The following MVP variants were observed in gnomAD, a reference collection of about 807,000 sequenced individuals.
MVP encodes lung resistance-related protein.
In MVP, 62 loss-of-function variants were observed where a neutral mutation model predicts 83.5. The ratio of observed to expected loss-of-function variants is 0.74; its 90% confidence interval spans 0.61 to 0.92. The LOEUF (loss-of-function observed/expected upper bound fraction) is 0.92, where lower values mean the gene tolerates loss of function less well. Among genes scored for constraint, MVP ranks in the 40% least tolerant of loss-of-function variants. MVP has a pLI of 0.00. For synonymous variants in MVP, 505 were observed against 504.1 expected, an observed-to-expected ratio of 1.00 and a Z score of -0.02; for missense variants, 1,000 against 1,203.4, an observed-to-expected ratio of 0.83 and a Z score of 2.50.
In MVP at chr16:29,844,809, C is replaced by T. The variant is rs1420867632; in HGVS notation, c.1951C>T (p.Arg651Trp). ...AGTGGAGCCTGTGGATCAGAGGACCCGGGACGCCCTGCAACGCAGCGTCCA... is the reference window on the plus strand; with the variant it reads ...AGTGGAGCCTGTGGATCAGAGGACCTGGGACGCCCTGCAACGCAGCGTCCA... ...QSVEPVDQRT[R>W]DALQRSVQLA... is the part of the protein sequence containing the mutation. The change falls in exon 11 of 15, where the codon CGG (arginine) becomes TGG (tryptophan). Residue 651 changes from arginine (R) to tryptophan (W), a missense_variant. By Grantham distance (101) the Arg-to-Trp change is moderately radical. Transcript: ENST00000357402. The T allele has an allele frequency of 3.1e-6, 5 of 1,608,990 alleles. No individual in the cohort carries two copies. Among genetic ancestry groups the T allele is most frequent in the African/African-American group, 1.3e-5 (1 of 74,928 alleles).
chr16:29,837,821 T>C (rs1251905170), intron 7 of MVP, among the ~76,000 whole-genome samples: 1 of 152,218 alleles, frequency 6.6e-6, no homozygotes, highest in African/African-American at 2.4e-5. Flanking sequence ...TGAACTATCA[T>C]GCAGTGACTA....
At chr16:29,829,223 G>A (rs1175432040) in intron 1 of MVP, among the ~76,000 whole-genome samples, 2 of 151,412 alleles carry the variant, frequency 1.3e-5, no homozygotes, top group African/African-American at 2.4e-5. Flanking sequence ...GTGATGGCTC[G>A]CCTATAATCC....
rs1421251163 is a variant in MVP, at chr16:29,847,246, A to T, written c.2315A>T (p.Tyr772Phe). 1 of 1,613,626 alleles carries T rather than the reference A, an allele frequency of 6.2e-7. No homozygotes were observed. The highest frequency in any genetic ancestry group is 8.5e-7 in the Non-Finnish European group (1 of 1,179,998). The change falls in exon 14 of 15, where the codon TAT becomes TTT. Residue 772 changes from tyrosine (Y) to phenylalanine (F), a missense_variant. By Grantham distance (22) the Tyr-to-Phe change is conservative. Coordinates refer to ENST00000357402, the MANE Select transcript of MVP (RefSeq NM_005115.5). Reference sequence around the variant, plus strand: ...AAGGTCCGAGAGCTGGAACTGGTCTATGCCCGGGCCCAGCTGGAGCTGGAG... The same window carrying T: ...AAGGTCCGAGAGCTGGAACTGGTCTTTGCCCGGGCCCAGCTGGAGCTGGAG... ...VQKVRELELV[Y>F]ARAQLELEVS...
At chr16:29,824,773 A>G (rs2150750172) in intron 1 of MVP, among the ~76,000 whole-genome samples, 1 of 152,276 alleles carries the variant, frequency 6.6e-6, no homozygotes, top group African/African-American at 2.4e-5. Context: ...AAAGAGATTC[A>G]GTATATCAGC....
chr16:29,827,294 C>G (rs1380643668), intron 1 of MVP, among the ~76,000 whole-genome samples: 2 of 152,172 alleles, frequency 1.3e-5, no homozygotes, highest in Non-Finnish European at 2.9e-5. Flanking sequence ...AATAACCTCC[C>G]TGTGATGTGG....
At chr16:29,822,907 G>A (rs1167080889) in intron 1 of MVP, among the ~76,000 whole-genome samples, 1 of 151,958 alleles carries the variant, frequency 6.6e-6, no homozygotes, top group African/African-American at 2.4e-5. Context: ...TAGTAGAGAC[G>A]AAGTTTCACC....
Position 29,842,067 on chromosome 16 carries a change from A to G in MVP, c.1589A>G (p.Glu530Gly). The G allele has an allele frequency of 6.2e-7, 1 of 1,608,470 alleles. No homozygotes were observed. Among genetic ancestry groups the G allele is most frequent in the Non-Finnish European group, 8.5e-7 (1 of 1,179,812 alleles). Residue 530 changes from glutamate (E) to glycine (G), a missense_variant, in exon 10 of 15, where the codon GAA (glutamate) becomes GGA (glycine). Coordinates refer to ENST00000357402, the MANE Select transcript of MVP (RefSeq NM_005115.5). Reference sequence around the variant, plus strand: ...TTCTTCACAGACGTCATCACCATCGAAACGGCGGATCATGCCAGGCTGCAA... The same window carrying G: ...TTCTTCACAGACGTCATCACCATCGGAACGGCGGATCATGCCAGGCTGCAA... ...PDFFTDVITIETADHARLQLQ... is the reference protein window; with the variant it reads ...PDFFTDVITIGTADHARLQLQ...
At chr16:29,828,821 G>T (rs1287347888) in intron 1 of MVP, among the ~76,000 whole-genome samples, 1 of 152,206 alleles carries the variant, frequency 6.6e-6, no homozygotes, top group Non-Finnish European at 1.5e-5. Context: ...AGGCTGTATT[G>T]CTGGTCTTCT....
Position 29,840,430 on chromosome 16 carries a change from A to T in MVP, c.1162A>T (p.Ile388Phe), listed in dbSNP as rs201000564. The T allele has an allele frequency of 3.8e-6, 6 of 1,577,262 alleles. No individual in the cohort carries two copies. The highest frequency in any genetic ancestry group is 5.2e-6 in the Non-Finnish European group (6 of 1,161,786). ...CATCCCTCTAGACGAGAACGAGGGC[A>T]TCTATGTGCAGGATGTCAAGACCGG... is the stretch of plus-strand genomic sequence containing the variant. ...QAIPLDENEG[I>F]YVQDVKTGKV... Residue 388 changes from isoleucine (I) to phenylalanine (F), a missense_variant, in exon 8 of 15, where the codon ATC becomes TTC. By Grantham distance (21) the Ile-to-Phe change is conservative. Coordinates refer to ENST00000357402, the MANE Select transcript of MVP (RefSeq NM_005115.5).
Position 29,830,679 on chromosome 16 carries a change from G to A in MVP, c.125+5G>A, listed in dbSNP as rs763403587. 5 of 1,613,826 alleles carry A rather than the reference G, an allele frequency of 3.1e-6. No homozygotes were observed. In the South Asian group the frequency reaches 5.5e-5, roughly 18 times the overall value. ...CATCCGGCAGGACAATGAGAGGTGGGTGTGGGGGCTGGGCTGTGGGGGATC... is the reference window on the plus strand; with the variant it reads ...CATCCGGCAGGACAATGAGAGGTGGATGTGGGGGCTGGGCTGTGGGGGATC... On this transcript the variant is annotated splice_donor_5th_base_variant and intron_variant, in intron 2 of 14. Coordinates refer to ENST00000357402, the MANE Select transcript of MVP (RefSeq NM_005115.5).
chr16:29,833,468 CTTTT>C (rs34663728), intron 3 of MVP: 434 of 128,572 alleles, frequency 3.4e-3, no homozygotes, highest in South Asian at 7.5e-3. Context: ...CCTGGCTACA[CTTTT>C]TTTTTTTTTT....
At chr16:29,827,914 CA>C (rs1186669161) in intron 1 of MVP, among the ~76,000 whole-genome samples, 2 of 152,072 alleles carry the variant, frequency 1.3e-5, no homozygotes, top group African/African-American at 4.8e-5. Flanking sequence ...GACCTTGTCT[CA>C]AAAAATAATT....
intron 3 of MVP, chr16:29,833,527 C>T (rs2067461431): frequency 7.8e-5 from 22 of 280,416 alleles, no homozygotes; most frequent in Admixed American, 1.8e-4. Flanking sequence ...CAGGCTGGTT[C>T]TTGAATGTCT....
At chr16:29,830,466 C>T in intron 1 of MVP, 49 bp from the exon 2 acceptor site, 11 of 1,521,660 alleles carry the variant, frequency 7.2e-6, no homozygotes, top group Non-Finnish European at 8.1e-6. Flanking sequence ...ATGCCTGCCC[C>T]ACCCCAGGCT....
chr16:29,847,690 C>T, intron 14 of MVP, 72 bp from the exon 15 acceptor site: 1 of 1,461,806 alleles, frequency 6.8e-7, no homozygotes, highest in Non-Finnish European at 9.5e-7. Flanking sequence ...AACCAGCTGA[C>T]TTAAGGAGGG....
In MVP at chr16:29,835,476, G is replaced by A. The variant is rs555810714; in HGVS notation, c.578-228G>A. Reference sequence around the variant, plus strand: ...AGCCTGGGCAACAGAGGGAGACTCCGTCTCAAAAAAAAAAAAAAAAAAAAA... The same window carrying A: ...AGCCTGGGCAACAGAGGGAGACTCCATCTCAAAAAAAAAAAAAAAAAAAAA... On this transcript the variant is annotated intron_variant, in intron 5 of 14. Transcript: ENST00000357402. The A allele has an allele frequency of 2.5e-4, 53 of 210,370 alleles. No individual in the cohort carries two copies. In the South Asian group the frequency reaches 3.5e-3, roughly 14 times the overall value. 13.0% of individuals were successfully genotyped at this position (210,370 alleles called of 1,614,324 possible). A position where few individuals can be genotyped will look rare whatever the true frequency, so the allele number is the denominator to read the frequency against.
intron 1 of MVP, among the ~76,000 whole-genome samples, chr16:29,827,057 T>C (rs1788245149): frequency 1.3e-5 from 2 of 151,752 alleles, no homozygotes; most frequent in Admixed American, 1.3e-4. Flanking sequence ...AGGACAGGGC[T>C]ATAGGAAGAA....
chr16:29,844,695 G>A lies in MVP; in HGVS notation c.1837G>A (p.Gly613Ser), dbSNP rs200928869. 1 of 1,614,022 alleles carries A rather than the reference G, an allele frequency of 6.2e-7. No homozygotes were observed. Among genetic ancestry groups the A allele is most frequent in the East Asian group, 2.2e-5 (1 of 44,886 alleles). ...TGGCTTTGAGACCTCGGAAGCGAAG[G>A]GCCCCGATGGCATGGCCCTGCCCAG... ...VFGFETSEAK[G>S]PDGMALPRPR... Residue 613 changes from glycine (G) to serine (S), a missense_variant, in exon 11 of 15, where the codon GGC (glycine) becomes AGC (serine). Transcript: ENST00000357402.
chr16:29,846,289 G>GT lies in MVP; in HGVS notation c.2265+6dup. The GT allele has an allele frequency of 6.4e-7, 1 of 1,555,514 alleles. No individual in the cohort carries two copies. The highest frequency in any genetic ancestry group is 8.7e-7 in the Non-Finnish European group (1 of 1,148,904). ...CAGGCCTTGGCCATTGAAACGGTGA[G>GT]TGGGGGGAGGCATTAAGAAGAGGGT... On this transcript the variant is annotated splice_donor_region_variant and intron_variant, in intron 13 of 14. Transcript: ENST00000357402.
Sources: allele counts gnomAD v4.1 joint callset (sites outside exome capture counted in the v4.1 genomes callset), GRCh38; gene constraint gnomAD v4.1.1; transcripts MANE v1.5; gene names NCBI Gene and HGNC (gene_info 2026-07-23, HGNC 2026-07-21).